AMDHD2: variants seen among roughly 807,000 people sequenced by gnomAD.
AMDHD2 encodes N-acetylglucosamine-6-phosphate deacetylase.
In AMDHD2, 24 loss-of-function variants were observed where a neutral mutation model predicts 41.8. That is an observed-to-expected ratio of 0.57 (90% CI 0.42 to 0.81). AMDHD2 has a LOEUF of 0.81. Ranked by LOEUF, AMDHD2 falls within the 30% of genes least tolerant of loss-of-function variation. The pLI is 0.00. For missense variants in AMDHD2, 540 were observed against 588.5 expected (o/e 0.92, Z 0.85); for synonymous variants, 332 against 255.5 (o/e 1.30, Z -2.85).
At chr16:2,524,815 C>T (rs2065983215) in intron 3 of AMDHD2, among the ~76,000 whole-genome samples, 1 of 152,222 alleles carries the variant, frequency 6.6e-6, no homozygotes, top group African/African-American at 2.4e-5. Context: ...CATCAGTGCT[C>T]TCGTGGCTCC....
intron 3 of AMDHD2, among the ~76,000 whole-genome samples, chr16:2,523,197 A>G (rs1014804878): frequency 4.6e-5 from 7 of 152,218 alleles, no homozygotes; most frequent in Non-Finnish European, 8.8e-5. Context: ...CACAAGAGTT[A>G]GTGAGTTTAG....
intron 3 of AMDHD2, among the ~76,000 whole-genome samples, chr16:2,526,720 C>T (rs2066008348): frequency 1.3e-5 from 2 of 151,692 alleles, no homozygotes; most frequent in Non-Finnish European, 2.9e-5. Context: ...GGTGTTTGGT[C>T]AGGAGTTTGA....
intron 3 of AMDHD2, among the ~76,000 whole-genome samples, chr16:2,523,534 A>G (rs988310612): frequency 6.6e-6 from 1 of 151,996 alleles, no homozygotes; most frequent in Non-Finnish European, 1.5e-5. Flanking sequence ...TGCATGGCTT[A>G]GGGGCGTTGG....
chr16:2,528,651 C>T lies in AMDHD2; in HGVS notation c.972C>T (p.Gly324=), dbSNP rs772473994. 30 of 1,612,926 alleles carry T rather than the reference C, an allele frequency of 1.9e-5. No individual in the cohort carries two copies. Among genetic ancestry groups the T allele is most frequent in the Admixed American group, 3.3e-5 (2 of 59,990 alleles). ...EVDGLTAYVA[G]TKTLSGSIAP... The stretch of plus-strand genomic sequence containing the variant: ...GAGCCTGCCCTCTCTGCTCTCAAGG[C>T]ACCAAGACGCTGAGTGGCAGCATAG... Residue 324 remains glycine (G), a splice_region_variant and synonymous_variant, in exon 9 of 11, where the codon GGC becomes GGT. Coordinates refer to ENST00000293971, the MANE Select transcript of AMDHD2 (RefSeq NM_001330449.2).
rs1252179572 is a variant in AMDHD2 at position 2,520,472 on chromosome 16, A to G, written c.14A>G (p.Gln5Arg). The change falls in exon 1 of 11, where the codon CAG becomes CGG. Residue 5 changes from glutamine (Q) to arginine (R), a missense_variant. Physicochemically the swap from Gln to Arg is conservative, Grantham distance 43 (BLOSUM62 1). Coordinates refer to ENST00000293971, the MANE Select transcript of AMDHD2 (RefSeq NM_001330449.2). ...ACACGGCTCACGATGCGCGGCGAGC[A>G]GGGCGCGGCGGGGGCCCGCGTGCTC... MRGEQGAAGARVLQF... is the reference protein window; with the variant it reads MRGERGAAGARVLQF... 3.5e-5 allele frequency: 43 copies of G among 1,233,090 alleles called. No homozygotes were observed. Among genetic ancestry groups the G allele is most frequent in the Non-Finnish European group, 4.1e-5 (40 of 980,990 alleles). 76.4% of individuals were successfully genotyped at this position (1,233,090 alleles called of 1,614,324 possible).
Position 2,530,736 on chromosome 16 carries a change from C to T in AMDHD2, c.*1173C>T, listed in dbSNP as rs202046694. On this transcript the variant is annotated 3_prime_UTR_variant, in exon 11 of 11. Coordinates refer to ENST00000293971, the MANE Select transcript of AMDHD2 (RefSeq NM_001330449.2). The stretch of plus-strand genomic sequence containing the variant: ...AAGGGAACAGCCAGGGAAGAACCAC[C>T]TGCCTGGGCAGGGCCTCGCCTGAGG... The T allele has an allele frequency of 3.0e-5, 48 of 1,613,920 alleles. No homozygotes were observed. In the Admixed American group the frequency reaches 6.7e-4, roughly 22 times the overall value.
In AMDHD2 at chr16:2,529,583, G is replaced by A. The variant is rs757772630; in HGVS notation, c.*20G>A. 3 of 1,605,222 alleles carry A rather than the reference G, an allele frequency of 1.9e-6. No individual in the cohort carries two copies. The South Asian group carries it at 3.3e-5, about 18-fold the overall frequency. On this transcript the variant is annotated 3_prime_UTR_variant, in exon 11 of 11. Transcript: ENST00000293971. ...CAGTGACAAGGACCTCGGCTGAGAG[G>A]ACACCTGGCCGCAGCGGGATGCCAT...
At position 2,528,690 on chromosome 16, in the gene AMDHD2, C is replaced by T. The variant is rs754783052; in HGVS notation, c.1011C>T (p.Val337=). The change falls in exon 9 of 11, where the codon GTC becomes GTT. Residue 337 remains valine (V), a synonymous_variant. Coordinates refer to ENST00000293971, the MANE Select transcript of AMDHD2 (RefSeq NM_001330449.2). The stretch of plus-strand genomic sequence containing the variant: ...GTGGCAGCATAGCCCCAATGGACGT[C>T]TGTGTCCGGCACTTCCTGCAGGCCA... ...TLSGSIAPMD[V]CVRHFLQATG... The T allele has an allele frequency of 1.2e-6, 2 of 1,612,816 alleles. No individual in the cohort carries two copies. The highest frequency in any genetic ancestry group is 1.7e-6 in the Non-Finnish European group (2 of 1,179,940).
At chr16:2,524,514 T>G (rs2065979446) in intron 3 of AMDHD2, among the ~76,000 whole-genome samples, 1 of 152,194 alleles carries the variant, frequency 6.6e-6, no homozygotes, top group African/African-American at 2.4e-5. Context: ...CTGTGCTCTC[T>G]CTATGTAGCG....
chr16:2,527,624 C>T lies in AMDHD2; in HGVS notation c.415+9C>T. The T allele has an allele frequency of 1.2e-6, 2 of 1,610,086 alleles. No homozygotes were observed. Among genetic ancestry groups the T allele is most frequent in the Non-Finnish European group, 1.7e-6 (2 of 1,178,618 alleles). On this transcript the variant is annotated intron_variant, in intron 4 of 10. Coordinates refer to ENST00000293971, the MANE Select transcript of AMDHD2 (RefSeq NM_001330449.2). The surrounding 1 kb of genome is among the most constrained non-coding windows in gnomAD (Gnocchi z 6.1). The stretch of plus-strand genomic sequence containing the variant: ...TGGGGCAGGGGTCCTCGGTGAGTGG[C>T]TGACCTCCTCCCCGCCCCCACCCTG...
At position 2,531,180 on chromosome 16, in the gene AMDHD2, A is replaced by G; in HGVS notation, c.*1617A>G. ...CCAGCCTTTGGGCCTGGCCTGCCCC[A>G]TTCACCGGCCAGCGCCCCACCTCCC... On this transcript the variant is annotated 3_prime_UTR_variant, in exon 11 of 11. Transcript: ENST00000293971. 2.8e-6 allele frequency: 4 copies of G among 1,411,548 alleles called. No homozygotes were observed. Among genetic ancestry groups the G allele is most frequent in the Non-Finnish European group, 3.8e-6 (4 of 1,051,166 alleles). 87.4% of individuals were successfully genotyped at this position (1,411,548 alleles called of 1,614,324 possible).
chr16:2,520,913 C>T lies in AMDHD2; in HGVS notation c.220+8C>T. The T allele has an allele frequency of 1.2e-6, 2 of 1,601,228 alleles. No homozygotes were observed. The highest frequency in any genetic ancestry group is 2.2e-5 in the South Asian group (2 of 89,912). ...TCGACGTGCAGATCAACGGTGCGGC[C>T]CGGGGCCGGCAGGGGAACCCAGGGG... On this transcript the variant is annotated splice_region_variant and intron_variant, in intron 2 of 10. Coordinates refer to ENST00000293971, the MANE Select transcript of AMDHD2 (RefSeq NM_001330449.2).
chr16:2,521,113 T>C lies in AMDHD2; in HGVS notation c.350T>C (p.Val117Ala). Residue 117 changes from valine to alanine, a missense_variant, in exon 3 of 11, where the codon GTT becomes GCT. Val to Ala is a moderately conservative substitution (Grantham distance 64, BLOSUM62 0). Transcript: ENST00000293971. ...ACCCTGGTCACTTCCCCACCGGAGG[T>C]TTATCACAAGGTGAGGTGAGGCTCC... ...CPTLVTSPPE[V>A]YHKVVPQIPV... 6.3e-7 allele frequency: 1 copy of C among 1,583,714 alleles called. No homozygotes were observed. Among genetic ancestry groups the C allele is most frequent in the Non-Finnish European group, 8.6e-7 (1 of 1,159,776 alleles).
chr16:2,528,297 G>A lies in AMDHD2; in HGVS notation c.779G>A (p.Arg260His), dbSNP rs1374722747. ...LLTSDRLPAG[R>H]CIFYGMIADG... ...ACCAGCGACCGGCTGCCCGCAGGCC[G>A]CTGCATCTTCTATGGGATGATTGCA... The change falls in exon 7 of 11, where the codon CGC (arginine) becomes CAC (histidine). Residue 260 changes from arginine (R) to histidine (H), a missense_variant. Arg to His is a conservative substitution (Grantham distance 29). Transcript: ENST00000293971. 8 of 1,612,522 alleles carry A rather than the reference G, an allele frequency of 5.0e-6. No homozygotes were observed. Among genetic ancestry groups the A allele is most frequent in the Non-Finnish European group, 6.8e-6 (8 of 1,179,906 alleles).
chr16:2,527,453 C>T lies in AMDHD2; in HGVS notation c.361-108C>T. ...GAGGGGACAGGCGGCCGGGGCTGGG[C>T]TGGGTGCTGGGCTCTGAACTCTGAC... On this transcript the variant is annotated intron_variant, in intron 3 of 10. Transcript: ENST00000293971. The surrounding 1 kb of genome is among the most constrained non-coding windows in gnomAD (Gnocchi z 6.1). The T allele has an allele frequency of 8.0e-7, 1 of 1,251,670 alleles. No homozygotes were observed. Among genetic ancestry groups the T allele is most frequent in the Non-Finnish European group, 1.1e-6 (1 of 882,446 alleles). The allele number at this position is 1,251,670 out of a possible 1,614,324, so 77.5% of individuals were successfully genotyped here.
At chr16:2,526,649 T>TA (rs112311410) in intron 3 of AMDHD2, among the ~76,000 whole-genome samples, 2,698 of 151,890 alleles carry the variant, frequency 0.018, 84 homozygotes, top group African/African-American at 0.062. Context: ...TTAAAAGTCT[T>TA]ACCGTTGGCC....
chr16:2,520,916 G>A lies in AMDHD2; in HGVS notation c.220+11G>A. On this transcript the variant is annotated intron_variant, in intron 2 of 10. Coordinates refer to ENST00000293971, the MANE Select transcript of AMDHD2 (RefSeq NM_001330449.2). ...ACGTGCAGATCAACGGTGCGGCCCG[G>A]GGCCGGCAGGGGAACCCAGGGGAGG... The A allele has an allele frequency of 6.3e-7, 1 of 1,599,088 alleles. No individual in the cohort carries two copies. The highest frequency in any genetic ancestry group is 1.1e-5 in the South Asian group (1 of 89,654).
Position 2,520,464 on chromosome 16 carries a change from C to G in AMDHD2, c.6C>G (p.Arg2=), listed in dbSNP as rs2065916644. The change falls in exon 1 of 11, where the codon CGC becomes CGG. Residue 2 remains arginine, a synonymous_variant. Coordinates refer to ENST00000293971, the MANE Select transcript of AMDHD2 (RefSeq NM_001330449.2). The part of the protein sequence containing the change: M[R]GEQGAAGARV... ...CGCTCCCGACACGGCTCACGATGCG[C>G]GGCGAGCAGGGCGCGGCGGGGGCCC... The G allele has an allele frequency of 8.1e-7, 1 of 1,236,730 alleles. No individual in the cohort carries two copies. The allele number at this position is 1,236,730 out of a possible 1,614,324, so 76.6% of individuals were successfully genotyped here. A position where few individuals can be genotyped will look rare whatever the true frequency, so the allele number is the denominator to read the frequency against.
chr16:2,520,612 G>A lies in AMDHD2; in HGVS notation c.83+71G>A, dbSNP rs1187817248. On this transcript the variant is annotated intron_variant, in intron 1 of 10. Transcript: ENST00000293971. Reference sequence around the variant, plus strand: ...CAGGGTGCGGGGCCGGGGACCGGGCGGGGTGCAGGGTGCGGGGCCGGGGAC... The same window carrying A: ...CAGGGTGCGGGGCCGGGGACCGGGCAGGGTGCAGGGTGCGGGGCCGGGGAC... 3 of 1,079,286 alleles carry A rather than the reference G, an allele frequency of 2.8e-6. No individual in the cohort carries two copies. In the Admixed American group the frequency reaches 1.6e-4, roughly 57 times the overall value. The allele number at this position is 1,079,286 out of a possible 1,614,324, so 66.9% of individuals were successfully genotyped here.
Sources: allele counts gnomAD v4.1 joint callset (sites outside exome capture counted in the v4.1 genomes callset), GRCh38; gene constraint gnomAD v4.1.1; non-coding constraint Gnocchi (gnomAD v3.1); transcripts MANE v1.5; gene names NCBI Gene and HGNC (gene_info 2026-07-23, HGNC 2026-07-21).